DPP6: variants seen among roughly 807,000 people sequenced by gnomAD.
DPP6 encodes the protein A-type potassium channel modulatory protein DPP6.
DPP6 carries 69 observed loss-of-function variants against 122.6 expected under a neutral mutation model. The ratio of observed to expected loss-of-function variants is 0.56; its 90% CI spans 0.46 to 0.69. DPP6 has a LOEUF of 0.69. Ranked by LOEUF, DPP6 falls within the 30% of genes least tolerant of loss-of-function variation. DPP6 has a pLI of 0.00. For missense variants in DPP6, 928 were observed against 1,116.9 expected, an observed-to-expected ratio of 0.83 and a Z score of 2.41; for synonymous variants, 418 against 433.1, an observed-to-expected ratio of 0.97 and a Z score of 0.43.
At chr7:154,503,280 C>T (rs1037935045) in intron 3 of DPP6, among the ~76,000 whole-genome samples, 2 of 152,194 alleles carry the variant, frequency 1.3e-5, no homozygotes, top group African/African-American at 2.4e-5. Context: ...ACTTGCCAGG[C>T]CAGGTGATTC....
At position 154,089,885 on chromosome 7, in the gene DPP6, A is replaced by G. The variant is rs2533644; in HGVS notation, c.243+36822A>G. Reference sequence around the variant, plus strand: ...TGTCAAAACCCCAAAGGTGAGAATCACCGTTCTTGGAGCATCCTAAGCCCT... The same window carrying G: ...TGTCAAAACCCCAAAGGTGAGAATCGCCGTTCTTGGAGCATCCTAAGCCCT... On this transcript the variant is annotated intron_variant, in intron 1 of 25. Transcript: ENST00000377770. 2.6e-5 allele frequency among the ~76,000 whole-genome samples: 4 copies of G among 152,250 alleles called. No individual in the cohort carries two copies. In the East Asian group the frequency reaches 5.8e-4, roughly 22 times the overall value.
intron 1 of DPP6, among the ~76,000 whole-genome samples, chr7:154,311,042 A>C (rs9648765): frequency 0.23 from 35,290 of 152,098 alleles, 4,477 homozygotes; most frequent in Non-Finnish European, 0.29. Context: ...ATAAGCTCTG[A>C]GAGGTCAATG....
chr7:154,315,294 T>C (rs868238490), intron 1 of DPP6, among the ~76,000 whole-genome samples: 9 of 152,238 alleles, frequency 5.9e-5, no homozygotes, highest in African/African-American at 2.2e-4. Context: ...CCTGTACACA[T>C]TGGGGGTTTG....
At chr7:153,786,479 C>G in the DPP6 span, among the ~76,000 whole-genome samples, 2 of 151,550 alleles carry the variant, frequency 1.3e-5, no homozygotes, top group African/African-American at 4.8e-5. Flanking sequence ...GTGGCTCACG[C>G]CTGTAATCCC....
At chr7:154,291,141 G>T (rs867912741) in intron 1 of DPP6, among the ~76,000 whole-genome samples, 2 of 152,066 alleles carry the variant, frequency 1.3e-5, no homozygotes, top group Non-Finnish European at 2.9e-5. Flanking sequence ...GAGATGAGAG[G>T]GTCACTGAGG....
chr7:153,917,194 G>A (rs1408643399), intron 1 of DPP6, among the ~76,000 whole-genome samples: 1 of 152,208 alleles, frequency 6.6e-6, no homozygotes, highest in East Asian at 1.9e-4. Context: ...GAACCAGACA[G>A]GGCCAAGCAA....
At chr7:154,659,934 A>AATTCT (rs1293480384) in intron 6 of DPP6, among the ~76,000 whole-genome samples, 1 of 152,258 alleles carries the variant, frequency 6.6e-6, no homozygotes, top group East Asian at 1.9e-4. Context: ...GGACGAGGGT[A>AATTCT]GCTATTGTCC....
chr7:154,555,452 A>T (rs577470093), intron 4 of DPP6, among the ~76,000 whole-genome samples: 2 of 150,852 alleles, frequency 1.3e-5, no homozygotes, highest in Non-Finnish European at 3.0e-5. Context: ...AACATCACAC[A>T]CCGGCGACTG....
chr7:153,891,039 T>TTTTTG (rs1799175412), intron 1 of DPP6, among the ~76,000 whole-genome samples: 2 of 77,870 alleles, frequency 2.6e-5, no homozygotes, highest in Non-Finnish European at 5.4e-5. Context: ...TTTTTTTTTT[T>TTTTTG]GAGATGGAGT....
At chr7:153,995,022 A>G (rs1797357828) in intron 1 of DPP6, among the ~76,000 whole-genome samples, 2 of 152,260 alleles carry the variant, frequency 1.3e-5, no homozygotes, top group South Asian at 2.1e-4. Context: ...TTTTACATTT[A>G]TAAGTAAATA....
At chr7:154,206,400 G>A (rs1359293403) in intron 1 of DPP6, among the ~76,000 whole-genome samples, 1 of 152,216 alleles carries the variant, frequency 6.6e-6, no homozygotes, top group African/African-American at 2.4e-5. Flanking sequence ...GCATGCCAGA[G>A]AAAGCAAAGA....
chr7:154,726,252 AC>A (rs1419415716), intron 7 of DPP6, among the ~76,000 whole-genome samples: 3 of 151,970 alleles, frequency 2.0e-5, no homozygotes, highest in Admixed American at 6.6e-5. Context: ...GAAGGCTCCA[AC>A]CCCACATTTC....
At chr7:154,454,863 C>A (rs1402262062) in intron 2 of DPP6, among the ~76,000 whole-genome samples, 2 of 152,130 alleles carry the variant, frequency 1.3e-5, no homozygotes, top group African/African-American at 4.8e-5. Flanking sequence ...CCAGGGCCAT[C>A]TCAGGGATCT....
chr7:154,389,186 C>T (rs1459072984), intron 1 of DPP6, among the ~76,000 whole-genome samples: 2 of 152,088 alleles, frequency 1.3e-5, no homozygotes, highest in South Asian at 2.1e-4. Context: ...CTGATATCAG[C>T]AATCCCAGAG....
At chr7:154,515,221 C>T (rs1055689889) in intron 3 of DPP6, among the ~76,000 whole-genome samples, 2 of 152,192 alleles carry the variant, frequency 1.3e-5, no homozygotes, top group Non-Finnish European at 2.9e-5. Context: ...AATGGCCTGT[C>T]ATAAAATTTG....
At chr7:153,783,062 G>A in the DPP6 span, among the ~76,000 whole-genome samples, 7 of 152,150 alleles carry the variant, frequency 4.6e-5, no homozygotes, top group South Asian at 2.1e-4. Flanking sequence ...ATTAAACTTC[G>A]CTGAACAAGG....
chr7:154,618,329 G>C lies in DPP6; in HGVS notation c.628-19492G>C, dbSNP rs570385076. On this transcript the variant is annotated intron_variant, in intron 5 of 25. Coordinates refer to ENST00000377770, the MANE Select transcript of DPP6 (RefSeq NM_130797.4). This position sits in a 1 kb window ranked among gnomAD's most constrained non-coding sequence, Gnocchi z 4.1. ...CAGGATGAGATTAGGCTCACTGAGC[G>C]GGTGAACGGAGCTGTTTGAACTGAG... is the stretch of plus-strand genomic sequence containing the variant. Among the ~76,000 whole-genome samples the C allele has an allele frequency of 6.6e-6, 1 of 152,232 alleles. No homozygotes were observed. Among genetic ancestry groups the C allele is most frequent in the East Asian group, 1.9e-4 (1 of 5,174 alleles).
intron 1 of DPP6, among the ~76,000 whole-genome samples, chr7:154,381,123 G>A (rs769485558): frequency 1.8e-4 from 28 of 152,140 alleles, no homozygotes; most frequent in Non-Finnish European, 3.5e-4. Flanking sequence ...AAAGGTGGGC[G>A]TGGGCACCAG....
At chr7:153,816,329 T>A in the DPP6 span, among the ~76,000 whole-genome samples, 1 of 151,744 alleles carries the variant, frequency 6.6e-6, no homozygotes, top group Non-Finnish European at 1.5e-5. Flanking sequence ...ATATTTAGTA[T>A]GTTAGGAGAT....
Sources: gnomAD v4.1 joint callset for allele counts (sites outside exome capture counted in the v4.1 genomes callset) on GRCh38, gnomAD v4.1.1 for gene constraint, Gnocchi (gnomAD v3.1) non-coding constraint, MANE v1.5 for transcripts, NCBI Gene and HGNC (gene_info 2026-07-23, HGNC 2026-07-21) for gene names.